ZBTB7C: variants seen among roughly 807,000 people sequenced by gnomAD.
ZBTB7C encodes the protein zinc finger and BTB domain containing 7C.
A neutral mutation model predicts 25.7 loss-of-function variants in ZBTB7C; 8 were observed. The ratio of observed to expected loss-of-function variants is 0.31; its 90% CI spans 0.18 to 0.56. The LOEUF (loss-of-function observed/expected upper bound fraction) is 0.56, where lower values mean the gene tolerates loss of function less well. Ranked by LOEUF, ZBTB7C falls within the 20% of genes least tolerant of loss-of-function variation. The pLI, the probability that ZBTB7C is intolerant of heterozygous loss-of-function variation, is 0.91. For synonymous variants in ZBTB7C, 394 were observed against 369.0 expected, an observed-to-expected ratio of 1.07 and a Z score of -0.78; for missense variants, 824 against 855.2, an observed-to-expected ratio of 0.96 and a Z score of 0.46.
chr18:48,363,204 C>CG (rs2047149989), intron 1 of ZBTB7C, among the ~76,000 whole-genome samples: 2 of 120,842 alleles, frequency 1.7e-5, no homozygotes, highest in African/African-American at 2.7e-5. Flanking sequence ...TCTTGCTGCT[C>CG]GGGAGGGAGG....
intron 3 of ZBTB7C, chr18:48,041,347 C>A: frequency 1.0e-6 from 1 of 985,454 alleles, no homozygotes; most frequent in Non-Finnish European, 1.2e-6. Flanking sequence ...ATAGGCTTCT[C>A]ACTGGGCAGC....
At chr18:48,402,587 A>G (rs534165438) in intron 1 of ZBTB7C, among the ~76,000 whole-genome samples, 2 of 152,306 alleles carry the variant, frequency 1.3e-5, no homozygotes, top group South Asian at 2.1e-4. Flanking sequence ...GAGACTTGAC[A>G]TTTTCTTCTA....
At chr18:48,160,288 AG>A (rs1568266482) in intron 3 of ZBTB7C, among the ~76,000 whole-genome samples, 3 of 152,246 alleles carry the variant, frequency 2.0e-5, no homozygotes, top group Admixed American at 2.0e-4. Context: ...CCTCTTGTTG[AG>A]GGCTTGTTCA....
At chr18:48,103,817 G>A (rs2038933164) in intron 3 of ZBTB7C, among the ~76,000 whole-genome samples, 1 of 152,000 alleles carries the variant, frequency 6.6e-6, no homozygotes, top group Non-Finnish European at 1.5e-5. Flanking sequence ...ATTATGCTAA[G>A]TGAAAGAGGC....
intron 1 of ZBTB7C, among the ~76,000 whole-genome samples, chr18:48,347,861 C>T (rs370107536): frequency 6.6e-6 from 1 of 152,134 alleles, no homozygotes; most frequent in African/African-American, 2.4e-5. Flanking sequence ...GATGAAACAC[C>T]GAAGTCACCT....
chr18:48,295,672 G>A (rs952098757), intron 2 of ZBTB7C, among the ~76,000 whole-genome samples: 1 of 152,168 alleles, frequency 6.6e-6, no homozygotes, highest in African/African-American at 2.4e-5. Context: ...TTACTGGCCT[G>A]GCTCACTTTG....
At chr18:48,144,075 C>T (rs1475561084) in intron 3 of ZBTB7C, among the ~76,000 whole-genome samples, 1 of 152,052 alleles carries the variant, frequency 6.6e-6, no homozygotes, top group African/African-American at 2.4e-5. Flanking sequence ...GTCAGGAGTT[C>T]GAGACCAGCC....
intron 1 of ZBTB7C, among the ~76,000 whole-genome samples, chr18:48,397,074 G>T (rs8087061): frequency 0.16 from 24,016 of 152,154 alleles, 2,830 homozygotes; most frequent in African/African-American, 0.34. Flanking sequence ...TTTGGCACTG[G>T]ACTAAAATAA....
chr18:48,404,409 C>T (rs1424357273), intron 1 of ZBTB7C, among the ~76,000 whole-genome samples: 2 of 152,160 alleles, frequency 1.3e-5, no homozygotes, highest in Non-Finnish European at 2.9e-5. Flanking sequence ...AGGGTGGGCA[C>T]AGGGAGTGAA....
At chr18:48,122,909 G>GC (rs1317830601) in intron 3 of ZBTB7C, among the ~76,000 whole-genome samples, 1 of 152,070 alleles carries the variant, frequency 6.6e-6, no homozygotes, top group Non-Finnish European at 1.5e-5. Context: ...CACTCTAACC[G>GC]CCCCCCACTC....
chr18:48,338,969 A>G (rs1420259626), intron 1 of ZBTB7C, among the ~76,000 whole-genome samples: 3 of 151,424 alleles, frequency 2.0e-5, no homozygotes, highest in African/African-American at 7.3e-5. Context: ...ACATCTTTTC[A>G]TAGTTCGTCA....
chr18:48,131,675 G>C (rs2039989826), intron 3 of ZBTB7C, among the ~76,000 whole-genome samples: 2 of 152,136 alleles, frequency 1.3e-5, no homozygotes, highest in Non-Finnish European at 2.9e-5. Flanking sequence ...TGTCTTATAG[G>C]GACATAGAGG....
chr18:48,054,409 G>T lies in ZBTB7C; in HGVS notation c.-16-13286C>A, dbSNP rs568703931. ...GATCTGGCCGGGGAGGAGCTGCCGT[G>T]GGGGGTGGCAGCTGTGGGAGGAAAG... On this transcript the variant is annotated intron_variant, in intron 3 of 4. Coordinates refer to ENST00000590800, the MANE Select transcript of ZBTB7C (RefSeq NM_001318841.2). 2.0e-5 allele frequency among the ~76,000 whole-genome samples: 3 copies of T among 152,138 alleles called. No individual in the cohort carries two copies. In the South Asian group the frequency reaches 6.2e-4, roughly 32 times the overall value.
intron 1 of ZBTB7C, among the ~76,000 whole-genome samples, chr18:48,406,228 T>G (rs1476845195): frequency 6.6e-6 from 1 of 151,914 alleles, no homozygotes; most frequent in East Asian, 1.9e-4. Flanking sequence ...CCACCCTCGG[T>G]GGGGGCAGGG....
chr18:48,262,101 G>T (rs927582293), intron 2 of ZBTB7C, among the ~76,000 whole-genome samples: 1 of 152,156 alleles, frequency 6.6e-6, no homozygotes, highest in Non-Finnish European at 1.5e-5. Context: ...CATGAACATG[G>T]AAAAGAATCT....
At chr18:48,196,830 GAGA>G (rs906666454) in intron 2 of ZBTB7C, among the ~76,000 whole-genome samples, 1 of 152,202 alleles carries the variant, frequency 6.6e-6, no homozygotes, top group African/African-American at 2.4e-5. Flanking sequence ...AACTCATGAA[GAGA>G]AGAAGGAAAA....
intron 3 of ZBTB7C, among the ~76,000 whole-genome samples, chr18:48,048,803 C>G (rs757962005): frequency 6.6e-6 from 1 of 152,212 alleles, no homozygotes; most frequent in Non-Finnish European, 1.5e-5. Context: ...GGGCTCTCCC[C>G]TGGCATCTGT....
intron 3 of ZBTB7C, chr18:48,077,058 T>C (rs2144446673): frequency 2.9e-6 from 2 of 686,332 alleles, no homozygotes; most frequent in Non-Finnish European, 3.4e-6. Flanking sequence ...TATGTTGTTA[T>C]ATGCAAAAAA....
At chr18:48,114,613 TC>T (rs1419938833) in intron 3 of ZBTB7C, among the ~76,000 whole-genome samples, 3 of 151,516 alleles carry the variant, frequency 2.0e-5, no homozygotes, top group Admixed American at 6.6e-5. Flanking sequence ...AAAAAAAAGT[TC>T]TCAGAAGCAG....
Sources: gnomAD v4.1 joint callset for allele counts (sites outside exome capture counted in the v4.1 genomes callset) on GRCh38, gnomAD v4.1.1 for gene constraint, MANE v1.5 for transcripts, NCBI Gene and HGNC (gene_info 2026-07-23, HGNC 2026-07-21) for gene names.